RBM25: variants seen among roughly 807,000 people sequenced by gnomAD.
The protein encoded by RBM25 is RNA-binding protein 25.
Under a neutral mutation model 120.7 loss-of-function variants are expected in RBM25, and 19 were observed. The observed-to-expected ratio is 0.16, with a 90% CI of 0.11 to 0.23. The LOEUF (loss-of-function observed/expected upper bound fraction) is 0.23, where lower values mean the gene tolerates loss of function less well. Among genes scored for constraint, RBM25 ranks in the 10% least tolerant of loss-of-function variants. RBM25 has a pLI of 1.00. For synonymous variants in RBM25, 390 were observed against 326.7 expected (o/e 1.19, Z -2.09); for missense variants, 605 against 1,041.5 (o/e 0.58, Z 5.77).
intron 3 of RBM25, 121 bp from the exon 4 acceptor site, chr14:73,077,248 C>A: frequency 1.2e-6 from 1 of 820,734 alleles, no homozygotes; most frequent in Non-Finnish European, 1.8e-6. Context: ...AGTATACAAG[C>A]ATGCAGAGCT....
At chr14:73,108,247 T>C (rs1205067352) in intron 13 of RBM25, among the ~76,000 whole-genome samples, 1 of 152,194 alleles carries the variant, frequency 6.6e-6, no homozygotes, top group East Asian at 1.9e-4. Context: ...TGCAGGGGCA[T>C]GATCATAGTT....
At position 73,111,733 on chromosome 14, in the gene RBM25, C is replaced by A; in HGVS notation, c.2223C>A (p.Leu741=). 6.2e-7 allele frequency: 1 copy of A among 1,613,994 alleles called. No homozygotes were observed. Among genetic ancestry groups the A allele is most frequent in the Middle Eastern group, 1.7e-4 (1 of 6,060 alleles). The change falls in exon 16 of 19, where the codon CTC becomes CTA. Residue 741 remains leucine (L), a synonymous_variant. Coordinates refer to ENST00000261973, the MANE Select transcript of RBM25 (RefSeq NM_021239.3). ...AAAAGCGTAAACACATTAAGAGTCT[C>A]ATTGAGAAAATCCCTACAGCCAAAC... The part of the protein sequence containing the change: ...TEEKRKHIKS[L]IEKIPTAKPE...
At chr14:73,091,352 C>T (rs115345225) in intron 6 of RBM25, among the ~76,000 whole-genome samples, 3,442 of 152,166 alleles carry the variant, frequency 0.023, 135 homozygotes, top group African/African-American at 0.076. Context: ...TCAGCTGGGA[C>T]TACAGGTATG....
intron 6 of RBM25, among the ~76,000 whole-genome samples, chr14:73,096,161 A>T (rs369740979): frequency 5.3e-4 from 81 of 152,186 alleles, no homozygotes; most frequent in African/African-American, 1.9e-3. Flanking sequence ...TATTTTTAGT[A>T]GAGTGGGGTT....
In RBM25 at chr14:73,123,011, A is replaced by G. The variant is rs1896563020; in HGVS notation, c.*3206A>G. ...GAACGTAATGTAATCTTGCAAAATT[A>G]TGTCTGAGAAAGCCCTAATATTCTA... On this transcript the variant is annotated 3_prime_UTR_variant, in exon 19 of 19. Coordinates refer to ENST00000261973, the MANE Select transcript of RBM25 (RefSeq NM_021239.3). 1 of 152,212 alleles carries G rather than the reference A, an allele frequency of 6.6e-6. No homozygotes were observed. The highest frequency in any genetic ancestry group is 1.5e-5 in the Non-Finnish European group (1 of 68,030). The allele number at this position is 152,212 out of a possible 1,614,324, so 9.4% of individuals were successfully genotyped here.
At chr14:73,107,549 G>A (rs564787696) in intron 12 of RBM25, 35 of 305,566 alleles carry the variant, frequency 1.1e-4, no homozygotes, top group Non-Finnish European at 1.5e-4. Context: ...TAAAAACACC[G>A]TTTCCCAGGC....
rs1226454618 is a variant in RBM25, at chr14:73,071,737, T to A, written c.96T>A (p.Pro32=). 1 of 1,611,598 alleles carries A rather than the reference T, an allele frequency of 6.2e-7. No individual in the cohort carries two copies. The highest frequency in any genetic ancestry group is 1.7e-5 in the Admixed American group (1 of 59,980). ...CGCAGTTTCCAGGATTTCCTCCACC[T>A]GTACCTCCAGGTAAGTTTGTTGATA... is the stretch of plus-strand genomic sequence containing the variant. ...PPPQFPGFPP[P]VPPGTPMIPV... The change falls in exon 2 of 19, where the codon CCT becomes CCA. Residue 32 remains proline (P), a synonymous_variant. Transcript: ENST00000261973.
At chr14:73,070,625 G>A (rs1895263491) in intron 1 of RBM25, among the ~76,000 whole-genome samples, 1 of 151,998 alleles carries the variant, frequency 6.6e-6, no homozygotes, top group South Asian at 2.1e-4. Context: ...GTGTAACTTG[G>A]TACCTTTAGT....
At chr14:73,084,592 G>T (rs1371864925) in intron 5 of RBM25, among the ~76,000 whole-genome samples, 1 of 151,744 alleles carries the variant, frequency 6.6e-6, no homozygotes, top group Non-Finnish European at 1.5e-5. Context: ...CGCTCTTCTT[G>T]CCCAGGCTGG....
chr14:73,096,846 CTTG>C (rs994074818), intron 6 of RBM25, 66 bp from the exon 7 acceptor site: 13 of 1,352,862 alleles, frequency 9.6e-6, no homozygotes, highest in African/African-American at 7.3e-5. Context: ...TTTATTAACT[CTTG>C]TTGTAGAGTG....
chr14:73,061,110 T>C (rs867860105), intron 1 of RBM25, among the ~76,000 whole-genome samples: 1 of 149,094 alleles, frequency 6.7e-6, no homozygotes, highest in Non-Finnish European at 1.5e-5. Context: ...CAGGCTGGAG[T>C]GTAGTGGCGC....
chr14:73,074,118 T>C (rs754487873), intron 2 of RBM25, among the ~76,000 whole-genome samples: 1 of 152,260 alleles, frequency 6.6e-6, no homozygotes, highest in Non-Finnish European at 1.5e-5. Context: ...GAAAGTGTTT[T>C]GAACAACTTT....
intron 4 of RBM25, among the ~76,000 whole-genome samples, chr14:73,083,037 G>A (rs1043973777): frequency 6.6e-5 from 10 of 152,036 alleles, no homozygotes; most frequent in Non-Finnish European, 1.2e-4. Flanking sequence ...CCAAGATCAC[G>A]CCACTGCACT....
At chr14:73,068,219 A>T (rs375236088) in intron 1 of RBM25, 24 of 860,704 alleles carry the variant, frequency 2.8e-5, no homozygotes, top group African/African-American at 1.8e-4. Flanking sequence ...GTTTCCATTG[A>T]TACAGATGAG....
intron 10 of RBM25, among the ~76,000 whole-genome samples, chr14:73,105,403 G>T (rs912526719): frequency 1.1e-4 from 17 of 152,168 alleles, no homozygotes; most frequent in African/African-American, 3.9e-4. Flanking sequence ...CAACATGTCA[G>T]AATTCTGTTT....
chr14:73,114,769 C>T (rs1896388355), intron 18 of RBM25, among the ~76,000 whole-genome samples: 2 of 152,086 alleles, frequency 1.3e-5, no homozygotes, highest in Admixed American at 1.3e-4. Context: ...TGGCGTGTGC[C>T]TATAGTCCCA....
rs1896535304 is a variant in RBM25 at position 73,121,192 on chromosome 14, C to T, written c.*1387C>T. The T allele has an allele frequency of 1.3e-5, 2 of 151,960 alleles. No individual in the cohort carries two copies. The allele number at this position is 151,960 out of a possible 1,614,324, so 9.4% of individuals were successfully genotyped here. On this transcript the variant is annotated 3_prime_UTR_variant, in exon 19 of 19. Coordinates refer to ENST00000261973, the MANE Select transcript of RBM25 (RefSeq NM_021239.3). The stretch of plus-strand genomic sequence containing the variant: ...AAAGCATAATGTGAGCTTTGGATTA[C>T]TGGATTTTTTTTTTTTTTAAACACA...
chr14:73,110,505 T>TGCAACCTCCACCTCCCAGGTTCAA (rs1896289239), intron 14 of RBM25, among the ~76,000 whole-genome samples: 1 of 151,858 alleles, frequency 6.6e-6, no homozygotes, highest in African/African-American at 2.4e-5. Context: ...CAAGGCTCAC[T>TGCAACCTCCACCTCCCAGGTTCAA]GCAACCTCCA....
intron 6 of RBM25, among the ~76,000 whole-genome samples, chr14:73,094,450 A>G (rs1297063704): frequency 6.7e-6 from 1 of 149,980 alleles, no homozygotes; most frequent in African/African-American, 2.5e-5. Flanking sequence ...GTCTATAAGG[A>G]TTTTTTTTGT....
Sources: allele counts gnomAD v4.1 joint callset (sites outside exome capture counted in the v4.1 genomes callset), GRCh38; gene constraint gnomAD v4.1.1; transcripts MANE v1.5; gene names NCBI Gene and HGNC (gene_info 2026-07-23, HGNC 2026-07-21).